The following WDR43 variants were observed in gnomAD, a reference collection of about 807,000 sequenced individuals.
The protein encoded by WDR43 is WD repeat domain 43.
A neutral mutation model predicts 91.4 loss-of-function variants in WDR43; 13 were observed. The observed-to-expected ratio is 0.14, with a 90% CI of 0.09 to 0.23. WDR43 has a LOEUF of 0.23. Among genes scored for constraint, WDR43 ranks in the 10% least tolerant of loss-of-function variants. WDR43 has a pLI of 1.00. For missense variants in WDR43, 780 were observed against 809.4 expected (o/e 0.96, Z 0.44); for synonymous variants, 331 against 287.9 (o/e 1.15, Z -1.51).
At chr2:28,900,118 C>T (rs1257458277) in intron 1 of WDR43, among the ~76,000 whole-genome samples, 1 of 152,164 alleles carries the variant, frequency 6.6e-6, no homozygotes, top group African/African-American at 2.4e-5. Flanking sequence ...TTGTTTCACA[C>T]ATCGAGAAAC....
intron 11 of WDR43, 33 bp from the exon 12 acceptor site, chr2:28,935,488 G>A (rs989518052): frequency 1.4e-5 from 21 of 1,450,342 alleles, no homozygotes; most frequent in Non-Finnish European, 2.0e-5. Context: ...TTGTCAGTAT[G>A]CTCATCTTAA....
In WDR43 at chr2:28,906,542, A is replaced by G; in HGVS notation, c.446A>G (p.His149Arg). Reference protein sequence around the residue: ...GCLYSCSDDKHIVEWNVQTCK... With the variant: ...GCLYSCSDDKRIVEWNVQTCK... Reference sequence around the variant, plus strand: ...TTATATAGTTGTTCAGATGATAAACATATTGTGGAATGGAACGTACAGACA... The same window carrying G: ...TTATATAGTTGTTCAGATGATAAACGTATTGTGGAATGGAACGTACAGACA... Residue 149 changes from histidine to arginine, a missense_variant, in exon 3 of 18, where the codon CAT (histidine) becomes CGT (arginine). His to Arg is a conservative substitution (Grantham distance 29). Coordinates refer to ENST00000407426, the MANE Select transcript of WDR43 (RefSeq NM_015131.3). 1 of 1,610,778 alleles carries G rather than the reference A, an allele frequency of 6.2e-7. No individual in the cohort carries two copies. The highest frequency in any genetic ancestry group is 8.5e-7 in the Non-Finnish European group (1 of 1,178,582).
chr2:28,922,379 A>T (rs1016576522), intron 6 of WDR43, among the ~76,000 whole-genome samples: 6 of 152,232 alleles, frequency 3.9e-5, no homozygotes, highest in African/African-American at 1.4e-4. Flanking sequence ...AGAGGCTGAC[A>T]GCAAGAGTCT....
intron 12 of WDR43, among the ~76,000 whole-genome samples, chr2:28,936,460 A>G (rs991838007): frequency 6.6e-5 from 10 of 152,216 alleles, no homozygotes; most frequent in Non-Finnish European, 8.8e-5. Flanking sequence ...TGTTTTTGTA[A>G]TACTGCCTAC....
rs1431296876 is a variant in WDR43 at position 28,939,066 on chromosome 2, GGTGACCTGGGAGCACTGGTGAGAGGGGT to G, written c.1620+1073_1620+1100del. 1.0e-3 allele frequency among the ~76,000 whole-genome samples: 117 copies of G among 116,774 alleles called. 10 individuals are homozygous for G. The highest frequency in any genetic ancestry group is 1.4e-3 in the Non-Finnish European group (74 of 51,684). 76.6% of individuals were successfully genotyped at this position (116,774 alleles called of 152,430 possible). ...GCACTGGTGAGAGGGGTTTTTGGGA[GGTGACCTGGGAGCACTGGTGAGAGGGGT>G]TTTTGGGAGGTGACCTGGGAGCACT... On this transcript the variant is annotated intron_variant, in intron 14 of 17. Coordinates refer to ENST00000407426, the MANE Select transcript of WDR43 (RefSeq NM_015131.3).
intron 6 of WDR43, among the ~76,000 whole-genome samples, chr2:28,921,869 C>G (rs1484657391): frequency 6.6e-6 from 1 of 152,168 alleles, no homozygotes; most frequent in Non-Finnish European, 1.5e-5. Context: ...GCCCACCATA[C>G]TCTGCTAATT....
intron 11 of WDR43, among the ~76,000 whole-genome samples, chr2:28,932,453 G>A (rs185274337): frequency 6.6e-6 from 1 of 152,214 alleles, no homozygotes; most frequent in African/African-American, 2.4e-5. Context: ...GTGAGCCACC[G>A]TTCCCAGCCA....
intron 9 of WDR43, chr2:28,927,209 A>G (rs565799429): frequency 1.9e-6 from 1 of 518,098 alleles, no homozygotes; most frequent in East Asian, 5.4e-5. Flanking sequence ...TAAATTTTTA[A>G]AAATCATTGT....
At chr2:28,907,467 A>AT (rs1670704158) in intron 3 of WDR43, among the ~76,000 whole-genome samples, 1 of 144,758 alleles carries the variant, frequency 6.9e-6, no homozygotes, top group African/African-American at 2.7e-5. Context: ...AAAAAAAAAA[A>AT]ATTGGGTGTG....
At chr2:28,938,373 A>G (rs942654589) in intron 14 of WDR43, among the ~76,000 whole-genome samples, 1 of 152,128 alleles carries the variant, frequency 6.6e-6, no homozygotes, top group African/African-American at 2.4e-5. Flanking sequence ...CCAGGAGGAT[A>G]AAATGTAGTT....
At chr2:28,909,825 T>TA (rs1056859084) in intron 3 of WDR43, among the ~76,000 whole-genome samples, 7 of 152,182 alleles carry the variant, frequency 4.6e-5, no homozygotes, top group African/African-American at 1.7e-4. Flanking sequence ...AGCAAGCTGT[T>TA]ACCTTGCCAC....
At chr2:28,923,931 C>T (rs1263399570) in intron 7 of WDR43, among the ~76,000 whole-genome samples, 4 of 152,038 alleles carry the variant, frequency 2.6e-5, no homozygotes, top group South Asian at 4.2e-4. Context: ...TTAAGACAGT[C>T]GTTCATTGAG....
Position 28,927,806 on chromosome 2 carries a change from C to T in WDR43, c.1305+106C>T, listed in dbSNP as rs1052037608. On this transcript the variant is annotated intron_variant, in intron 10 of 17. Transcript: ENST00000407426. Reference sequence around the variant, plus strand: ...CCAAAGTTAAATCTTTAGAAATTTACTGAGATTTCTCCTGTTATGCTCTCT... The same window carrying T: ...CCAAAGTTAAATCTTTAGAAATTTATTGAGATTTCTCCTGTTATGCTCTCT... 1.0e-5 allele frequency: 14 copies of T among 1,402,196 alleles called. No homozygotes were observed. In the Admixed American group the frequency reaches 3.1e-4, roughly 31 times the overall value. The allele number at this position is 1,402,196 out of a possible 1,614,324, so 86.9% of individuals were successfully genotyped here. A position where few individuals can be genotyped will look rare whatever the true frequency, so the allele number is the denominator to read the frequency against.
intron 3 of WDR43, among the ~76,000 whole-genome samples, chr2:28,911,932 T>TA (rs2148183850): frequency 6.6e-6 from 1 of 152,338 alleles, no homozygotes; most frequent in South Asian, 2.1e-4. Context: ...CCCCTGCTGT[T>TA]ACTTCTTATA....
intron 1 of WDR43, among the ~76,000 whole-genome samples, chr2:28,898,846 C>T (rs1670529666): frequency 6.6e-6 from 1 of 152,136 alleles, no homozygotes; most frequent in Non-Finnish European, 1.5e-5. Flanking sequence ...TCTAAAAAGT[C>T]ATTACTTTAA....
chr2:28,926,414 C>T (rs1671141774), intron 8 of WDR43, 54 bp from the exon 9 acceptor site: 2 of 1,331,594 alleles, frequency 1.5e-6, no homozygotes, highest in African/African-American at 3.0e-5. Context: ...TTGTTTGACA[C>T]TCTTTTTTTT....
At position 28,927,720 on chromosome 2, in the gene WDR43, C is replaced by G. The variant is rs780702129; in HGVS notation, c.1305+20C>G. The G allele has an allele frequency of 1.2e-6, 2 of 1,610,810 alleles. No homozygotes were observed. Among genetic ancestry groups the G allele is most frequent in the South Asian group, 2.2e-5 (2 of 90,826 alleles). On this transcript the variant is annotated intron_variant, in intron 10 of 17. Coordinates refer to ENST00000407426, the MANE Select transcript of WDR43 (RefSeq NM_015131.3). Reference sequence around the variant, plus strand: ...AATGAGGTAATGCAACTGCTTTGACCATATATTTGAGTTTGTGATTTAAAA... The same window carrying G: ...AATGAGGTAATGCAACTGCTTTGACGATATATTTGAGTTTGTGATTTAAAA...
chr2:28,948,053 G>T lies in WDR43; in HGVS notation c.*1274G>T, dbSNP rs1671582885. The T allele has an allele frequency of 6.6e-6, 1 of 151,996 alleles. No homozygotes were observed. Among genetic ancestry groups the T allele is most frequent in the Non-Finnish European group, 1.5e-5 (1 of 67,998 alleles). The allele number at this position is 151,996 out of a possible 1,614,324, so 9.4% of individuals were successfully genotyped here. ...TTTTTAATACCAATGACAGAACAGAGATTTGTGTGCTCATCTTAAGAGCCA... is the reference window on the plus strand; with the variant it reads ...TTTTTAATACCAATGACAGAACAGATATTTGTGTGCTCATCTTAAGAGCCA... On this transcript the variant is annotated 3_prime_UTR_variant, in exon 18 of 18. Transcript: ENST00000407426.
At position 28,935,849 on chromosome 2, in the gene WDR43, G is replaced by T. The variant is rs1671328934; in HGVS notation, c.1524+242G>T. 6 of 285,948 alleles carry T rather than the reference G, an allele frequency of 2.1e-5. No homozygotes were observed. The East Asian group carries it at 3.6e-4, about 17-fold the overall frequency. 17.7% of individuals were successfully genotyped at this position (285,948 alleles called of 1,614,324 possible). On this transcript the variant is annotated intron_variant, in intron 12 of 17. Coordinates refer to ENST00000407426, the MANE Select transcript of WDR43 (RefSeq NM_015131.3). ...TTCTGCTAATGGCTATTGTGTGTCT[G>T]TTTACCTGGAGGCACTTGGAACTTG...
Sources: allele counts gnomAD v4.1 joint callset (sites outside exome capture counted in the v4.1 genomes callset), GRCh38; gene constraint gnomAD v4.1.1; transcripts MANE v1.5; gene names NCBI Gene and HGNC (gene_info 2026-07-23, HGNC 2026-07-21).